GAPVD1: variants seen among roughly 807,000 people sequenced by gnomAD.
GAPVD1 encodes GTPase activating protein and VPS9 domains 1, also known as GTPase-activating protein and VPS9 domain-containing protein 1.
In GAPVD1, 35 loss-of-function variants were observed where a neutral mutation model predicts 155.5. That is an observed-to-expected ratio of 0.23 (90% CI 0.17 to 0.30). The LOEUF (loss-of-function observed/expected upper bound fraction) is 0.30, where lower values mean the gene tolerates loss of function less well. Ranked by LOEUF, GAPVD1 falls within the 10% of genes least tolerant of loss-of-function variation. GAPVD1 has a pLI of 1.00. For missense variants in GAPVD1, 1,429 were observed against 1,775.7 expected (o/e 0.80, Z 3.51); for synonymous variants, 636 against 619.7 (o/e 1.03, Z -0.39).
At chr9:125,271,066 A>T (rs143125728) in intron 2 of GAPVD1, among the ~76,000 whole-genome samples, 184 of 152,318 alleles carry the variant, frequency 1.2e-3, no homozygotes, top group African/African-American at 4.1e-3. Flanking sequence ...TTGTGTCTGA[A>T]AGAAAAGTAT....
At chr9:125,283,844 A>G (rs2132239598) in intron 2 of GAPVD1, among the ~76,000 whole-genome samples, 1 of 151,988 alleles carries the variant, frequency 6.6e-6, no homozygotes, top group South Asian at 2.1e-4. Flanking sequence ...AGTTGTTAAC[A>G]TTTGTAATAT....
chr9:125,313,592 C>T (rs150843582), intron 9 of GAPVD1, among the ~76,000 whole-genome samples: 1,984 of 152,106 alleles, frequency 0.013, 104 homozygotes, highest in East Asian at 0.088. Flanking sequence ...CGTGAGCCAC[C>T]GTGCCCAGCC....
In GAPVD1 at chr9:125,298,481, A is replaced by ATTTT. The variant is rs34644117; in HGVS notation, c.-32-386_-32-383dup. On this transcript the variant is annotated intron_variant, in intron 3 of 27. Coordinates refer to ENST00000297933, the MANE Select transcript of GAPVD1 (RefSeq NM_001282680.3). ...TAAAAGTGGCATCAAATGTAACCTA[A>ATTTT]TTTTTTTTTTTTTTTTTTTTTTTTT... Among the ~76,000 whole-genome samples the ATTTT allele has an allele frequency of 8.5e-4, 76 of 89,260 alleles. 4 individuals carry two copies. The highest frequency in any genetic ancestry group is 2.4e-3 in the African/African-American group (51 of 20,978). The allele number at this position is 89,260 out of a possible 152,430, so 58.6% of individuals were successfully genotyped here.
Position 125,355,646 on chromosome 9 carries a change from T to G in GAPVD1, c.3760T>G (p.Phe1254Val). 1 of 1,594,664 alleles carries G rather than the reference T, an allele frequency of 6.3e-7. No individual in the cohort carries two copies. Residue 1254 changes from phenylalanine to valine, a missense_variant and splice_region_variant, in exon 25 of 28, where the codon TTT (phenylalanine) becomes GTT (valine). Transcript: ENST00000297933. Reference protein sequence around the residue: ...EKKIREFIQDFQKLTAADDKT... With the variant: ...EKKIREFIQDVQKLTAADDKT... ...AAAATTATTATTTTGCTTTGGAGACTTTCAGAAACTCACCGCAGCTGACGA... is the reference window on the plus strand; with the variant it reads ...AAAATTATTATTTTGCTTTGGAGACGTTCAGAAACTCACCGCAGCTGACGA...
chr9:125,305,037 C>G, intron 5 of GAPVD1, 26 bp from the exon 6 acceptor site: 2 of 1,512,894 alleles, frequency 1.3e-6, no homozygotes, highest in Non-Finnish European at 1.8e-6. Context: ...TAGCTTATGT[C>G]TCCCTACCAC....
chr9:125,361,202 A>G (rs1404301489), intron 27 of GAPVD1, among the ~76,000 whole-genome samples: 1 of 151,992 alleles, frequency 6.6e-6, no homozygotes. Flanking sequence ...TTTCGAAAGA[A>G]AGGATGGGAG....
intron 15 of GAPVD1, among the ~76,000 whole-genome samples, chr9:125,335,474 G>A (rs1034728901): frequency 1.3e-5 from 2 of 151,800 alleles, no homozygotes; most frequent in East Asian, 2.0e-4. Context: ...TCAGGAGATC[G>A]AGACCATCCT....
chr9:125,277,454 A>G (rs1437431987), intron 2 of GAPVD1, among the ~76,000 whole-genome samples: 15 of 152,138 alleles, frequency 9.9e-5, no homozygotes, highest in Admixed American at 9.8e-4. Flanking sequence ...TAAAAACAGA[A>G]TGTATAGAAG....
At chr9:125,326,663 C>A in intron 12 of GAPVD1, 74 bp downstream of exon 12, 5 of 996,842 alleles carry the variant, frequency 5.0e-6, no homozygotes, top group East Asian at 2.4e-5. Context: ...TGGGAGGGAG[C>A]ACCAGTGCCC....
chr9:125,316,491 C>G (rs1588898400), intron 9 of GAPVD1, among the ~76,000 whole-genome samples: 1 of 152,140 alleles, frequency 6.6e-6, no homozygotes, highest in East Asian at 1.9e-4. Flanking sequence ...CATCTGTATC[C>G]CTGCAAAGGA....
chr9:125,281,408 C>A (rs148637535), intron 2 of GAPVD1, among the ~76,000 whole-genome samples: 1 of 152,144 alleles, frequency 6.6e-6, no homozygotes, highest in African/African-American at 2.4e-5. Context: ...CTCAGCCTCC[C>A]AAAGTGCTGG....
chr9:125,294,829 G>A (rs1047275837), intron 2 of GAPVD1, among the ~76,000 whole-genome samples: 1 of 151,864 alleles, frequency 6.6e-6, no homozygotes, highest in Non-Finnish European at 1.5e-5. Context: ...TGGTATTTGG[G>A]TGTAAACTCA....
At chr9:125,285,526 C>T (rs947586747) in intron 2 of GAPVD1, among the ~76,000 whole-genome samples, 2 of 134,040 alleles carry the variant, frequency 1.5e-5, no homozygotes, top group African/African-American at 5.8e-5. Context: ...GGCCCGATCT[C>T]GGGTTCAAGT....
At chr9:125,335,746 G>A (rs1846829624) in intron 15 of GAPVD1, among the ~76,000 whole-genome samples, 2 of 152,056 alleles carry the variant, frequency 1.3e-5, no homozygotes, top group South Asian at 2.1e-4. Flanking sequence ...ACCATTTAAT[G>A]GGTATATTTA....
At chr9:125,348,035 A>G (rs969436194) in intron 20 of GAPVD1, among the ~76,000 whole-genome samples, 38 of 151,504 alleles carry the variant, frequency 2.5e-4, no homozygotes, top group East Asian at 7.7e-4. Flanking sequence ...GTGTGTGTGT[A>G]TATATATATG....
intron 15 of GAPVD1, among the ~76,000 whole-genome samples, chr9:125,335,703 A>C (rs1846822394): frequency 6.6e-6 from 1 of 152,206 alleles, no homozygotes; most frequent in South Asian, 2.1e-4. Flanking sequence ...ACAGCCTCCC[A>C]AACCAGAGTA....
At chr9:125,336,290 CAAAAAA>C (rs34270139) in intron 15 of GAPVD1, among the ~76,000 whole-genome samples, 3 of 129,178 alleles carry the variant, frequency 2.3e-5, no homozygotes, top group Non-Finnish European at 3.4e-5. Flanking sequence ...AGCTTGAGAC[CAAAAAA>C]AAAAAAAAAC....
chr9:125,283,986 C>T (rs947754628), intron 2 of GAPVD1, among the ~76,000 whole-genome samples: 11 of 151,774 alleles, frequency 7.2e-5, no homozygotes, highest in Admixed American at 4.6e-4. Context: ...GATTCTCCTG[C>T]GTCAGGCTTC....
At chr9:125,334,397 A>G (rs1382076392) in intron 15 of GAPVD1, among the ~76,000 whole-genome samples, 5 of 152,160 alleles carry the variant, frequency 3.3e-5, no homozygotes, top group Non-Finnish European at 5.9e-5. Context: ...AATAGGAAGC[A>G]CCCATATTGC....
Sources: allele counts gnomAD v4.1 joint callset (sites outside exome capture counted in the v4.1 genomes callset), GRCh38; gene constraint gnomAD v4.1.1; transcripts MANE v1.5; gene names NCBI Gene and HGNC (gene_info 2026-07-23, HGNC 2026-07-21).